ABCB1: variants seen among roughly 807,000 people sequenced by gnomAD.
ABCB1 encodes ATP binding cassette subfamily B member 1.
In ABCB1, 69 loss-of-function variants were observed where a neutral mutation model predicts 142.0. The ratio of observed to expected loss-of-function variants is 0.49; its 90% CI spans 0.40 to 0.59. The LOEUF is 0.59. Ranked by LOEUF, ABCB1 falls within the 20% of genes least tolerant of loss-of-function variation. The pLI is 0.00. For missense variants in ABCB1, 1,326 were observed against 1,554.7 expected (o/e 0.85, Z 2.47); for synonymous variants, 532 against 539.2 (o/e 0.99, Z 0.18).
At chr7:87,634,471 C>T (rs1252188786) in intron 1 of ABCB1, among the ~76,000 whole-genome samples, 3 of 68,124 alleles carry the variant, frequency 4.4e-5, no homozygotes, top group Admixed American at 1.9e-4. Context: ...AAAATACAAA[C>T]AGTCAGGCGT....
At chr7:87,546,371 A>G (rs951720008) in intron 14 of ABCB1, among the ~76,000 whole-genome samples, 6 of 152,062 alleles carry the variant, frequency 3.9e-5, no homozygotes, top group African/African-American at 7.2e-5. Context: ...GGTGGATCAC[A>G]AGGTCAGGAG....
chr7:87,544,018 A>T, intron 17 of ABCB1, 111 bp downstream of exon 17: 1 of 1,282,346 alleles, frequency 7.8e-7, no homozygotes, highest in Non-Finnish European at 1.1e-6. Flanking sequence ...TTTCATATGG[A>T]GATACGTGGA....
chr7:87,616,490 G>T (rs1820036309), intron 1 of ABCB1, among the ~76,000 whole-genome samples: 1 of 152,192 alleles, frequency 6.6e-6, no homozygotes, highest in Non-Finnish European at 1.5e-5. Context: ...CTCTTGCCAA[G>T]CCATCAGACT....
intron 21 of ABCB1, among the ~76,000 whole-genome samples, chr7:87,526,856 G>A (rs1815804133): frequency 6.6e-6 from 1 of 152,070 alleles, no homozygotes; most frequent in South Asian, 2.1e-4. Flanking sequence ...TTACACATAA[G>A]AGCATATCTA....
At chr7:87,519,516 T>G (rs1211406421) in intron 22 of ABCB1, 50 bp from the exon 23 acceptor site, 1 of 1,611,498 alleles carries the variant, frequency 6.2e-7, no homozygotes, top group South Asian at 1.1e-5. Flanking sequence ...TCTCAGTCCT[T>G]AAAATGTAAC....
intron 4 of ABCB1, among the ~76,000 whole-genome samples, chr7:87,575,042 C>G (rs1423909908): frequency 1.3e-5 from 2 of 152,182 alleles, no homozygotes; most frequent in Non-Finnish European, 2.9e-5. Context: ...ACTTTGTATA[C>G]AAGTGTCTCA....
At chr7:87,685,080 A>T (rs1827323976) in intron 1 of ABCB1, among the ~76,000 whole-genome samples, 1 of 152,224 alleles carries the variant, frequency 6.6e-6, no homozygotes, top group Admixed American at 6.5e-5. Context: ...AAACAAAAAA[A>T]ATTGATAAAG....
intron 21 of ABCB1, among the ~76,000 whole-genome samples, chr7:87,523,163 A>G (rs1815600019): frequency 6.6e-6 from 1 of 152,122 alleles, no homozygotes; most frequent in Non-Finnish European, 1.5e-5. Flanking sequence ...TGCAGTGGCA[A>G]TTCACAGGTG....
intron 23 of ABCB1, among the ~76,000 whole-genome samples, chr7:87,518,020 A>T (rs1815327653): frequency 2.0e-5 from 3 of 152,202 alleles, no homozygotes. Context: ...AACTCCTTTC[A>T]CTGCCCTTCT....
intron 5 of ABCB1, among the ~76,000 whole-genome samples, chr7:87,569,033 TAA>T (rs1470062679): frequency 6.6e-6 from 1 of 152,130 alleles, no homozygotes; most frequent in Non-Finnish European, 1.5e-5. Flanking sequence ...CAAAATATGA[TAA>T]AGTGTCTCCA....
At chr7:87,708,307 C>A (rs1230413964) in intron 1 of ABCB1, among the ~76,000 whole-genome samples, 1 of 151,856 alleles carries the variant, frequency 6.6e-6, no homozygotes, top group South Asian at 2.1e-4. Flanking sequence ...GAAGAAGAGG[C>A]CAAGTGTGTA....
chr7:87,702,615 G>A (rs1308605635), intron 1 of ABCB1, among the ~76,000 whole-genome samples: 4 of 152,092 alleles, frequency 2.6e-5, no homozygotes, highest in African/African-American at 7.2e-5. Context: ...TAAGTTTCCA[G>A]TTTTGACTTG....
intron 1 of ABCB1, among the ~76,000 whole-genome samples, chr7:87,612,654 G>T (rs550219407): frequency 6.6e-6 from 1 of 152,080 alleles, no homozygotes; most frequent in Admixed American, 6.5e-5. Flanking sequence ...TGCTGTTTTG[G>T]TTACTATAAT....
rs1814714268 is a variant in ABCB1, at chr7:87,505,915, C to T, written c.3618G>A (p.Leu1206=). 1.2e-6 allele frequency: 2 copies of T among 1,613,976 alleles called. No individual in the cohort carries two copies. The highest frequency in any genetic ancestry group is 1.7e-6 in the Non-Finnish European group (2 of 1,180,022). ...TTCTTACCTTTTCACTTTCTGTATC[C>T]AGAGCTGACGTGGCTTCATCCAAAA... The part of the protein sequence containing the change: ...ILLLDEATSA[L]DTESEKVVQE... The change falls in exon 27 of 28, where the codon CTG becomes CTA. Residue 1206 remains leucine (L), a synonymous_variant. Transcript: ENST00000622132.
At chr7:87,685,793 A>G (rs1324508789) in intron 1 of ABCB1, among the ~76,000 whole-genome samples, 1 of 152,218 alleles carries the variant, frequency 6.6e-6, no homozygotes, top group Non-Finnish European at 1.5e-5. Context: ...TCATAGCAAC[A>G]GCAAATTTAC....
intron 22 of ABCB1, 152 bp downstream of exon 22, chr7:87,520,624 C>A: frequency 1.4e-6 from 1 of 722,718 alleles, no homozygotes. Flanking sequence ...TGTACTTTCT[C>A]TCCTGCATAA....
At chr7:87,550,383 T>C (rs1223857573) in intron 11 of ABCB1, 85 bp downstream of exon 11, 47 of 1,606,256 alleles carry the variant, frequency 2.9e-5, no homozygotes, top group Non-Finnish European at 3.7e-5. Flanking sequence ...TAAATATACA[T>C]GCACTTTTTT....
intron 4 of ABCB1, among the ~76,000 whole-genome samples, chr7:87,574,841 T>C (rs1427572041): frequency 1.3e-5 from 2 of 152,136 alleles, no homozygotes; most frequent in African/African-American, 2.4e-5. Context: ...TTTACACCTA[T>C]CTCTTCCTCC....
intron 20 of ABCB1, 94 bp downstream of exon 20, chr7:87,536,364 G>T: frequency 9.2e-7 from 1 of 1,082,880 alleles, no homozygotes; most frequent in Non-Finnish European, 1.4e-6. Context: ...TTTTCTTAAT[G>T]ATGATAACTA....
Sources: gnomAD v4.1 joint callset for allele counts (sites outside exome capture counted in the v4.1 genomes callset) on GRCh38, gnomAD v4.1.1 for gene constraint, MANE v1.5 for transcripts, NCBI Gene and HGNC (gene_info 2026-07-23, HGNC 2026-07-21) for gene names.